NME8: variants seen among roughly 807,000 people sequenced by gnomAD.
NME8 encodes protein NME8.
NME8 carries 72 observed loss-of-function variants against 82.3 expected under a neutral mutation model. The observed-to-expected ratio is 0.87, with a 90% CI of 0.72 to 1.06. The LOEUF (loss-of-function observed/expected upper bound fraction) is 1.06, where lower values mean the gene tolerates loss of function less well. Ranked by LOEUF, NME8 falls within the 50% of genes least tolerant of loss-of-function variation. NME8 has a pLI of 0.00. For synonymous variants in NME8, 267 were observed against 228.5 expected, an observed-to-expected ratio of 1.17 and a Z score of -1.52; for missense variants, 712 against 685.4, an observed-to-expected ratio of 1.04 and a Z score of -0.43.
At chr7:37,869,187 A>G (rs1051565679) in intron 11 of NME8, among the ~76,000 whole-genome samples, 3 of 152,144 alleles carry the variant, frequency 2.0e-5, no homozygotes, top group African/African-American at 7.2e-5. Flanking sequence ...TAGTGATGCC[A>G]TATTTTTAGG....
At chr7:37,874,911 TG>T (rs1175276384) in intron 11 of NME8, among the ~76,000 whole-genome samples, 1 of 152,168 alleles carries the variant, frequency 6.6e-6, no homozygotes, top group Non-Finnish European at 1.5e-5. Flanking sequence ...GTAGATAAAA[TG>T]GGGGGATATC....
rs766072124 is a variant in NME8 at position 37,888,441 on chromosome 7, G to C, written c.1399+13G>C. ...AGTGAACAAAGAGGTAAATATTTAAGAATAAAAGTGAATGTATACATTTTC... is the reference window on the plus strand; with the variant it reads ...AGTGAACAAAGAGGTAAATATTTAACAATAAAAGTGAATGTATACATTTTC... On this transcript the variant is annotated intron_variant, in intron 15 of 17. Transcript: ENST00000199447. 6.9e-6 allele frequency: 11 copies of C among 1,604,914 alleles called. No homozygotes were observed. The Middle Eastern group carries it at 6.6e-4, about 97-fold the overall frequency.
At chr7:37,877,042 A>T (rs925242521) in intron 12 of NME8, 35 bp downstream of exon 12, 39 of 1,542,478 alleles carry the variant, frequency 2.5e-5, no homozygotes, top group Non-Finnish European at 3.3e-5. Context: ...TAAGTATTTT[A>T]TATAGATGAG....
At chr7:37,872,627 A>ATG (rs1784785144) in intron 11 of NME8, among the ~76,000 whole-genome samples, 1 of 152,234 alleles carries the variant, frequency 6.6e-6, no homozygotes, top group Non-Finnish European at 1.5e-5. Flanking sequence ...ACTCAAATTA[A>ATG]TGACATGGAA....
chr7:37,897,191 G>T, intron 17 of NME8, 84 bp downstream of exon 17: 4 of 855,966 alleles, frequency 4.7e-6, no homozygotes, highest in South Asian at 1.5e-5. Context: ...AAAAAGAGAA[G>T]AACTTTTCCT....
At position 37,896,949 on chromosome 7, in the gene NME8, G is replaced by C. The variant is rs1785238206; in HGVS notation, c.1624G>C (p.Glu542Gln). The C allele has an allele frequency of 6.2e-7, 1 of 1,613,892 alleles. No homozygotes were observed. Among genetic ancestry groups the C allele is most frequent in the Admixed American group, 1.7e-5 (1 of 59,968 alleles). ...WRRLMGPTDP[E>Q]EAKLLSPDSI... ...ACGATTGATGGGCCCAACAGACCCA[G>C]AAGAAGCAAAATTACTTTCCCCTGA... Residue 542 changes from glutamate to glutamine, a missense_variant, in exon 17 of 18, where the codon GAA (glutamate) becomes CAA (glutamine). By Grantham distance (29) the Glu-to-Gln change is conservative. Coordinates refer to ENST00000199447, the MANE Select transcript of NME8 (RefSeq NM_016616.5).
chr7:37,888,023 A>T, intron 14 of NME8, among the ~76,000 whole-genome samples: 1 of 152,152 alleles, frequency 6.6e-6, no homozygotes, highest in East Asian at 1.9e-4. Context: ...ATCAGCATTC[A>T]TTCCTCTTTC....
chr7:37,882,961 C>T (rs976398126), intron 12 of NME8, among the ~76,000 whole-genome samples: 3 of 152,154 alleles, frequency 2.0e-5, no homozygotes, highest in African/African-American at 7.2e-5. Flanking sequence ...ATAAGGCATA[C>T]TCACCAATAT....
chr7:37,884,296 T>C lies in NME8; in HGVS notation c.995-7T>C. The stretch of plus-strand genomic sequence containing the variant: ...TTAAAACTTATTATGTAACTGTTTT[T>C]ATTTAGATGATGTTTTGCGTATTAT... On this transcript the variant is annotated splice_polypyrimidine_tract_variant and splice_region_variant and intron_variant, in intron 12 of 17. Coordinates refer to ENST00000199447, the MANE Select transcript of NME8 (RefSeq NM_016616.5). 6.4e-7 allele frequency: 1 copy of C among 1,550,514 alleles called. No homozygotes were observed. The highest frequency in any genetic ancestry group is 1.4e-5 in the African/African-American group (1 of 73,760).
intron 16 of NME8, 99 bp from the exon 17 acceptor site, chr7:37,896,771 A>AGCTCCCT (rs1263173766): frequency 1.1e-6 from 1 of 951,598 alleles, no homozygotes; most frequent in Non-Finnish European, 1.7e-6. Context: ...AATAAAAAGG[A>AGCTCCCT]GCTCCCTGGC....
chr7:37,896,450 C>G (rs1165082248), intron 16 of NME8, among the ~76,000 whole-genome samples: 1 of 152,152 alleles, frequency 6.6e-6, no homozygotes, highest in African/African-American at 2.4e-5. Context: ...CTGAGATGAC[C>G]AGGCTGTTGT....
intron 11 of NME8, among the ~76,000 whole-genome samples, chr7:37,876,229 T>TATATAGATAGATAG (rs1044568242): frequency 8.9e-4 from 130 of 146,188 alleles, no homozygotes; most frequent in African/African-American, 3.1e-3. Context: ...TATATATATA[T>TATATAGATAGATAG]ATAGATAGAT....
intron 17 of NME8, among the ~76,000 whole-genome samples, chr7:37,899,401 A>G (rs982164348): frequency 2.0e-5 from 3 of 152,194 alleles, no homozygotes; most frequent in Non-Finnish European, 2.9e-5. Flanking sequence ...GTTGGAAGCC[A>G]CTATCCTCAG....
At chr7:37,850,874 C>G in intron 5 of NME8, 139 bp downstream of exon 5, 3 of 663,836 alleles carry the variant, frequency 4.5e-6, no homozygotes, top group Non-Finnish European at 8.1e-6. Context: ...GGCAGTTTTA[C>G]TATATATTTA....
At chr7:37,854,523 A>AC (rs1272458789) in intron 5 of NME8, among the ~76,000 whole-genome samples, 1 of 152,178 alleles carries the variant, frequency 6.6e-6, no homozygotes, top group African/African-American at 2.4e-5. Flanking sequence ...TCTATGTGGT[A>AC]CCAATCCTTC....
rs370823045 is a variant in NME8 at position 37,883,962 on chromosome 7, TAC to T, written c.995-318_995-317del. 4.2e-3 allele frequency among the ~76,000 whole-genome samples: 343 copies of T among 82,126 alleles called. 2 individuals carry two copies. Among genetic ancestry groups the T allele is most frequent in the African/African-American group, 9.4e-3 (298 of 31,624 alleles). The allele number at this position is 82,126 out of a possible 152,430, so 53.9% of individuals were successfully genotyped here. A position where few individuals can be genotyped will look rare whatever the true frequency, so the allele number is the denominator to read the frequency against. On this transcript the variant is annotated intron_variant, in intron 12 of 17. Transcript: ENST00000199447. ...TTGGTTGATTATTTAGGTTACTGTC[TAC>T]ACACACACACACACACACACACCCA...
intron 12 of NME8, among the ~76,000 whole-genome samples, chr7:37,882,607 GAGAGAGAGAAAGAAAGAAAGAA>G (rs1784975269): frequency 1.3e-5 from 1 of 77,906 alleles, no homozygotes; most frequent in Non-Finnish European, 2.9e-5. Context: ...AAGAGAGAGA[GAGAGAGAGAAAGAAAGAAAGAA>G]AGAAAGAAAG....
intron 6 of NME8, among the ~76,000 whole-genome samples, chr7:37,860,827 A>G (rs1307659632): frequency 1.3e-5 from 2 of 152,124 alleles, no homozygotes; most frequent in Non-Finnish European, 2.9e-5. Context: ...GTCCCCTTCT[A>G]TTGTCTCTGA....
chr7:37,879,501 C>T (rs1784910534), intron 12 of NME8, among the ~76,000 whole-genome samples: 1 of 152,146 alleles, frequency 6.6e-6, no homozygotes, highest in Non-Finnish European at 1.5e-5. Context: ...ATTTTGTGTT[C>T]CTCCATGTCT....
Sources: allele counts gnomAD v4.1 joint callset (sites outside exome capture counted in the v4.1 genomes callset), GRCh38; gene constraint gnomAD v4.1.1; transcripts MANE v1.5; gene names NCBI Gene and HGNC (gene_info 2026-07-23, HGNC 2026-07-21).